The following RNF141 variants were observed in gnomAD, a reference collection of about 807,000 sequenced individuals.
RNF141 encodes the protein ring finger protein 141.
In RNF141, 18 loss-of-function variants were observed where a neutral mutation model predicts 27.4. That is an observed-to-expected ratio of 0.66 (90% confidence interval 0.45 to 0.97). The LOEUF (loss-of-function observed/expected upper bound fraction) is 0.97, where lower values mean the gene tolerates loss of function less well. Among genes scored for constraint, RNF141 ranks in the 50% least tolerant of loss-of-function variants. RNF141 has a pLI of 0.00. For synonymous variants in RNF141, 97 were observed against 96.6 expected (o/e 1.00, Z -0.02); for missense variants, 230 against 279.4 (o/e 0.82, Z 1.26).
intron 2 of RNF141, among the ~76,000 whole-genome samples, chr11:10,532,534 CA>C (rs1564868756): frequency 0.026 from 2,768 of 106,250 alleles, 69 homozygotes; most frequent in African/African-American, 0.066. Flanking sequence ...CACACACACA[CA>C]CACCCCACAA....
At chr11:10,532,542 A>ACC (rs1564868790) in intron 2 of RNF141, among the ~76,000 whole-genome samples, 67 of 119,128 alleles carry the variant, frequency 5.6e-4, no homozygotes, top group Admixed American at 4.2e-3. Flanking sequence ...CACACACCCC[A>ACC]CAACTATATA....
intron 3 of RNF141, among the ~76,000 whole-genome samples, chr11:10,528,786 T>C (rs543519859): frequency 6.6e-6 from 1 of 152,334 alleles, no homozygotes; most frequent in East Asian, 1.9e-4. Context: ...GAGTTCCTAC[T>C]ATGTGTAAAG....
intron 4 of RNF141, among the ~76,000 whole-genome samples, chr11:10,524,744 C>T (rs1056976965): frequency 1.3e-5 from 2 of 152,142 alleles, no homozygotes; most frequent in African/African-American, 4.8e-5. Context: ...GCATTCGGTT[C>T]CTTCCTGAAT....
At chr11:10,517,742 A>T (rs1246377874) in intron 5 of RNF141, 2 of 152,158 alleles carry the variant, frequency 1.3e-5, no homozygotes, top group African/African-American at 4.8e-5. Context: ...TCTCAAGTCT[A>T]GAATTCTGAA....
rs1463850694 is a variant in RNF141 at position 10,511,675 on chromosome 11, C to G, written c.*3241G>C. The G allele has an allele frequency of 6.6e-6, 1 of 152,162 alleles. No individual in the cohort carries two copies. The highest frequency in any genetic ancestry group is 1.5e-5 in the Non-Finnish European group (1 of 68,034). 9.4% of individuals were successfully genotyped at this position (152,162 alleles called of 1,614,324 possible). The stretch of plus-strand genomic sequence containing the variant: ...ACAATAGCAGTTAAAAATGCAAATT[C>G]TTCAGACTACCTTTTAATAAACTCA... On this transcript the variant is annotated 3_prime_UTR_variant, in exon 6 of 6. Transcript: ENST00000265981.
rs1849803670 is a variant in RNF141 at position 10,511,953 on chromosome 11, A to G, written c.*2963T>C. 6.6e-6 allele frequency: 1 copy of G among 152,602 alleles called. No individual in the cohort carries two copies. The highest frequency in any genetic ancestry group is 6.5e-5 in the Admixed American group (1 of 15,272). The allele number at this position is 152,602 out of a possible 1,614,324, so 9.5% of individuals were successfully genotyped here. A position where few individuals can be genotyped will look rare whatever the true frequency, so the allele number is the denominator to read the frequency against. The stretch of plus-strand genomic sequence containing the variant: ...TAAAATCACTTGCGAAAGATTATTT[A>G]TTGCACAATTTATCAGTGGGTACTA... On this transcript the variant is annotated 3_prime_UTR_variant, in exon 6 of 6. Transcript: ENST00000265981.
At chr11:10,515,090 C>A (rs1849833209) in intron 5 of RNF141, 24 bp from the exon 6 acceptor site, 2 of 1,582,492 alleles carry the variant, frequency 1.3e-6, no homozygotes, top group East Asian at 4.6e-5. Context: ...CAAAACAAAA[C>A]AGTTTGCTTT....
chr11:10,534,477 T>TACAC (rs3074399), intron 1 of RNF141, among the ~76,000 whole-genome samples: 311 of 149,974 alleles, frequency 2.1e-3, no homozygotes, highest in African/African-American at 5.7e-3. Context: ...TGTGCATGTG[T>TACAC]ACACACACAC....
chr11:10,532,925 G>A (rs547267687), intron 2 of RNF141, among the ~76,000 whole-genome samples: 1 of 152,278 alleles, frequency 6.6e-6, no homozygotes, highest in South Asian at 2.1e-4. Flanking sequence ...TCAGAGAGGT[G>A]GACATGCCAT....
At chr11:10,537,085 T>C (rs774380576) in intron 1 of RNF141, among the ~76,000 whole-genome samples, 6 of 152,216 alleles carry the variant, frequency 3.9e-5, no homozygotes, top group Non-Finnish European at 8.8e-5. Context: ...ACAAGATTCA[T>C]TTACAGAGAA....
chr11:10,535,067 A>G (rs1850022470), intron 1 of RNF141, among the ~76,000 whole-genome samples: 2 of 147,840 alleles, frequency 1.4e-5, no homozygotes, highest in South Asian at 2.3e-4. Context: ...TGCCCCCCCA[A>G]GAAATTCTAT....
Position 10,519,157 on chromosome 11 carries a change from T to A in RNF141, c.435-16A>T. The A allele has an allele frequency of 6.3e-7, 1 of 1,598,828 alleles. No individual in the cohort carries two copies. The highest frequency in any genetic ancestry group is 8.6e-7 in the Non-Finnish European group (1 of 1,166,864). ...CTGCTTCACCCTGCAATGTGAAAAC[T>A]GAGCTGAAACAATTATATTCTCTGT... On this transcript the variant is annotated splice_polypyrimidine_tract_variant and intron_variant, in intron 4 of 5. Coordinates refer to ENST00000265981, the MANE Select transcript of RNF141 (RefSeq NM_016422.4).
At chr11:10,522,678 A>AT (rs2133968309) in intron 4 of RNF141, among the ~76,000 whole-genome samples, 1 of 152,354 alleles carries the variant, frequency 6.6e-6, no homozygotes, top group Non-Finnish European at 1.5e-5. Context: ...AAGAGAACAG[A>AT]TTTGTTTGGA....
rs1277287362 is a variant in RNF141, at chr11:10,511,880, G to A, written c.*3036C>T. ...GTTCTCTAAGGAATATAAACATTTA[G>A]TATATTAGAATGTGAAATTACATAG... On this transcript the variant is annotated 3_prime_UTR_variant, in exon 6 of 6. Coordinates refer to ENST00000265981, the MANE Select transcript of RNF141 (RefSeq NM_016422.4). The A allele has an allele frequency of 6.6e-6, 1 of 152,598 alleles. No homozygotes were observed. The highest frequency in any genetic ancestry group is 6.5e-5 in the Admixed American group (1 of 15,278). The allele number at this position is 152,598 out of a possible 1,614,324, so 9.5% of individuals were successfully genotyped here.
At chr11:10,517,818 A>C (rs1849854624) in intron 5 of RNF141, 1 of 152,208 alleles carries the variant, frequency 6.6e-6, no homozygotes, top group Non-Finnish European at 1.5e-5. Context: ...ATCTACAAAA[A>C]TACTACCAGA....
intron 4 of RNF141, 125 bp from the exon 5 acceptor site, chr11:10,519,266 G>A: frequency 1.6e-6 from 1 of 616,622 alleles, no homozygotes. Context: ...TATGACTCAT[G>A]TGCAAAATCA....
chr11:10,519,315 A>G (rs1849867856), intron 4 of RNF141, among the ~76,000 whole-genome samples, 174 bp from the exon 5 acceptor site: 1 of 152,218 alleles, frequency 6.6e-6, no homozygotes. Flanking sequence ...TAGCAAATAT[A>G]TTAGGGAAAA....
At chr11:10,525,433 A>G in intron 3 of RNF141, 60 bp from the exon 4 acceptor site, 1 of 1,279,890 alleles carries the variant, frequency 7.8e-7, no homozygotes, top group Non-Finnish European at 1.1e-6. Context: ...AATTTTTCCC[A>G]AAAAGGGGGA....
chr11:10,536,862 A>C, intron 1 of RNF141, among the ~76,000 whole-genome samples: 1 of 152,250 alleles, frequency 6.6e-6, no homozygotes, highest in Non-Finnish European at 1.5e-5. Context: ...ATCTTGAGCA[A>C]GCAGCCTACT....
Sources: gnomAD v4.1 joint callset for allele counts (sites outside exome capture counted in the v4.1 genomes callset) on GRCh38, gnomAD v4.1.1 for gene constraint, MANE v1.5 for transcripts, NCBI Gene and HGNC (gene_info 2026-07-23, HGNC 2026-07-21) for gene names.